The following VWF variants were observed in gnomAD, a reference collection of about 807,000 sequenced individuals.
VWF encodes Factor VIII related antigen.
VWF carries 176 observed loss-of-function variants against 308.6 expected under a neutral mutation model. The ratio of observed to expected loss-of-function variants is 0.57; its 90% CI spans 0.50 to 0.65. The LOEUF is 0.65. Ranked by LOEUF, VWF falls within the 30% of genes least tolerant of loss-of-function variation. The pLI, the probability that VWF is intolerant of heterozygous loss-of-function variation, is 0.00. For synonymous variants in VWF, 1,385 were observed against 1,443.4 expected (o/e 0.96, Z 0.92); for missense variants, 3,146 against 3,648.2 (o/e 0.86, Z 3.55).
intron 34 of VWF, among the ~76,000 whole-genome samples, chr12:5,999,503 C>CACACACACA (rs1555193386): frequency 6.7e-6 from 1 of 149,298 alleles, no homozygotes; most frequent in African/African-American, 2.5e-5. Context: ...CACACACACA[C>CACACACACA]CACTAAGGAA....
At chr12:5,984,794 A>G (rs1280503817) in intron 40 of VWF, among the ~76,000 whole-genome samples, 4 of 152,276 alleles carry the variant, frequency 2.6e-5, no homozygotes, top group Non-Finnish European at 5.9e-5. Flanking sequence ...CATAGTCCCC[A>G]GTAATCACCC....
chr12:6,059,020 C>T (rs1337756799), intron 13 of VWF, among the ~76,000 whole-genome samples: 1 of 152,180 alleles, frequency 6.6e-6, no homozygotes, highest in Non-Finnish European at 1.5e-5. Flanking sequence ...GGGCTAGGGT[C>T]AGCTCTTAGA....
chr12:5,980,154 G>GGACT (rs1943586412), intron 42 of VWF, among the ~76,000 whole-genome samples: 2 of 50,436 alleles, frequency 4.0e-5, no homozygotes, highest in Admixed American at 5.1e-4. Flanking sequence ...AGTGAGGGAG[G>GGACT]GAGTGAGGGA....
At chr12:6,007,021 A>C (rs1024929983) in intron 34 of VWF, among the ~76,000 whole-genome samples, 4 of 152,368 alleles carry the variant, frequency 2.6e-5, no homozygotes, top group South Asian at 4.1e-4. Flanking sequence ...TGATAAATGC[A>C]TCAATTCACC....
At chr12:6,026,789 G>A (rs1944197577) in intron 22 of VWF, among the ~76,000 whole-genome samples, 2 of 152,092 alleles carry the variant, frequency 1.3e-5, no homozygotes, top group African/African-American at 2.4e-5. Flanking sequence ...ACAAAGAAAT[G>A]GTAAATGTTT....
rs1339258944 is a variant in VWF, at chr12:6,016,122, C to T, written c.5422G>A (p.Val1808Met). Residue 1808 changes from valine (V) to methionine (M), a missense_variant, in exon 31 of 52, where the codon GTG becomes ATG. Val to Met is a conservative substitution (Grantham distance 21, BLOSUM62 1). Around this residue, in one of 3 missense-constraint regions of VWF, gnomAD observed 853 missense variants for 1,177.8 expected, o/e 0.72. Transcript: ENST00000261405. Reference protein sequence around the residue: ...ILVTDVSVDSVDAAADAARSN... With the variant: ...ILVTDVSVDSMDAAADAARSN... The stretch of plus-strand genomic sequence containing the variant: ...CTGGCGGCATCAGCTGCTGCATCCA[C>T]TGAATCCACAGAGACGTCCGTGACC... 1 of 1,614,100 alleles carries T rather than the reference C, an allele frequency of 6.2e-7. No homozygotes were observed. The highest frequency in any genetic ancestry group is 1.3e-5 in the African/African-American group (1 of 74,932).
intron 6 of VWF, among the ~76,000 whole-genome samples, chr12:6,092,011 G>A (rs1167561384): frequency 2.0e-5 from 3 of 152,168 alleles, no homozygotes; most frequent in Non-Finnish European, 2.9e-5. Flanking sequence ...ATGCACTCAC[G>A]CTCTGCAGAG....
intron 48 of VWF, 130 bp downstream of exon 48, chr12:5,953,366 T>C: frequency 1.4e-6 from 1 of 703,450 alleles, no homozygotes; most frequent in Non-Finnish European, 2.5e-6. Flanking sequence ...TTTCTTTATA[T>C]AATCAGAAAG....
rs539127897 is a variant in VWF at position 6,112,369 on chromosome 12, A to G, written c.221-1401T>C. 2.6e-5 allele frequency among the ~76,000 whole-genome samples: 4 copies of G among 152,304 alleles called. No individual in the cohort carries two copies. The South Asian group carries it at 6.2e-4, about 24-fold the overall frequency. Reference sequence around the variant, plus strand: ...AACTGCTACTCGTGGTGGGTCTTTGATATTCAAAGATAACTAATTGGTCAT... The same window carrying G: ...AACTGCTACTCGTGGTGGGTCTTTGGTATTCAAAGATAACTAATTGGTCAT... On this transcript the variant is annotated intron_variant, in intron 3 of 51. Transcript: ENST00000261405.
intron 7 of VWF, among the ~76,000 whole-genome samples, chr12:6,074,826 A>T (rs1944822760): frequency 6.6e-6 from 1 of 152,304 alleles, no homozygotes; most frequent in Admixed American, 6.5e-5. Context: ...GGAAGATGAA[A>T]CACACAGCAC....
chr12:6,018,281 T>C (rs1944084621), intron 28 of VWF, 84 bp downstream of exon 28: 1 of 1,509,884 alleles, frequency 6.6e-7, no homozygotes, highest in Non-Finnish European at 8.9e-7. Flanking sequence ...AGAACCCGAG[T>C]CGTATCTTGG....
intron 46 of VWF, among the ~76,000 whole-genome samples, chr12:5,967,817 A>C (rs1192594495): frequency 2.0e-5 from 3 of 152,194 alleles, no homozygotes. Flanking sequence ...GAGGCAGCCC[A>C]GGTAGTGGCA....
intron 5 of VWF, among the ~76,000 whole-genome samples, chr12:6,103,711 T>G (rs1945209967): frequency 6.6e-6 from 1 of 151,874 alleles, no homozygotes; most frequent in South Asian, 2.1e-4. Context: ...GATTGCCATA[T>G]GCAGAAGAAT....
chr12:5,985,121 T>C lies in VWF; in HGVS notation c.6902-2A>G, dbSNP rs1943663770. On this transcript the variant is annotated splice_acceptor_variant, in intron 39 of 51. Coordinates refer to ENST00000261405, the MANE Select transcript of VWF (RefSeq NM_000552.5). LOFTEE classifies it high-confidence loss of function. ...CTTCACACAGGCCACACGTGGGAGC[T>C]AGAGGAGAGGAACGGCCACAAAAGT... 1 of 1,613,954 alleles carries C rather than the reference T, an allele frequency of 6.2e-7. No homozygotes were observed. The highest frequency in any genetic ancestry group is 8.5e-7 in the Non-Finnish European group (1 of 1,179,986).
At chr12:5,983,003 T>G in intron 41 of VWF, 147 bp downstream of exon 41, 2 of 801,024 alleles carry the variant, frequency 2.5e-6, no homozygotes, top group Non-Finnish European at 4.1e-6. Flanking sequence ...CCCTAACCCC[T>G]CTGTTCCAGA....
intron 18 of VWF, among the ~76,000 whole-genome samples, chr12:6,037,968 C>T (rs1169404987): frequency 1.3e-5 from 2 of 152,196 alleles, no homozygotes; most frequent in African/African-American, 2.4e-5. Context: ...TTCACCCAAC[C>T]TCAGGAGGTG....
At chr12:5,971,998 T>C (rs1943483016) in intron 43 of VWF, among the ~76,000 whole-genome samples, 1 of 152,028 alleles carries the variant, frequency 6.6e-6, no homozygotes, top group African/African-American at 2.4e-5. Context: ...CAGCCCAGAG[T>C]TCCCTTAGCA....
intron 34 of VWF, among the ~76,000 whole-genome samples, chr12:6,000,943 C>T (rs747092740): frequency 1.3e-5 from 2 of 150,018 alleles, no homozygotes; most frequent in Non-Finnish European, 3.0e-5. Flanking sequence ...AAAACTAAAA[C>T]GAAGAATGGA....
In VWF at chr12:6,103,555, C is replaced by T. The variant is rs1370329561; in HGVS notation, c.532+6819G>A. Among the ~76,000 whole-genome samples, 5 of 108,924 alleles carry T rather than the reference C, an allele frequency of 4.6e-5. 1 individual carries two copies. In the African/African-American group the frequency reaches 5.3e-4, roughly 11 times the overall value. The allele number at this position is 108,924 out of a possible 152,430, so 71.5% of individuals were successfully genotyped here. A position where few individuals can be genotyped will look rare whatever the true frequency, so the allele number is the denominator to read the frequency against. On this transcript the variant is annotated intron_variant, in intron 5 of 51. Coordinates refer to ENST00000261405, the MANE Select transcript of VWF (RefSeq NM_000552.5). ...ATACACATATATGTATACACACACA[C>T]ACACACACACACACACACACACACA...
Sources: allele counts gnomAD v4.1 joint callset (sites outside exome capture counted in the v4.1 genomes callset), GRCh38; gene constraint gnomAD v4.1.1; regional missense constraint gnomAD v4.1.1; transcripts MANE v1.5; gene names NCBI Gene and HGNC (gene_info 2026-07-23, HGNC 2026-07-21).